The following SLC11A2 variants were observed in gnomAD, a reference collection of about 807,000 sequenced individuals.
SLC11A2 encodes the protein natural resistance-associated macrophage protein 2.
In SLC11A2, 38 loss-of-function variants were observed where a neutral mutation model predicts 68.0. The observed-to-expected ratio is 0.56, with a 90% CI of 0.43 to 0.73. The LOEUF is 0.73. Among genes scored for constraint, SLC11A2 ranks in the 30% least tolerant of loss-of-function variants. SLC11A2 has a pLI of 0.00. For missense variants in SLC11A2, 517 were observed against 690.5 expected (o/e 0.75, Z 2.82); for synonymous variants, 242 against 250.6 (o/e 0.97, Z 0.32).
At chr12:51,018,403 A>C (rs1046622266) in intron 1 of SLC11A2, among the ~76,000 whole-genome samples, 6 of 151,524 alleles carry the variant, frequency 4.0e-5, no homozygotes, top group Non-Finnish European at 8.8e-5. Flanking sequence ...CAAAAAAAAA[A>C]CAAAAAACAC....
At chr12:50,965,391 G>A in the SLC11A2 span, among the ~76,000 whole-genome samples, 1 of 151,352 alleles carries the variant, frequency 6.6e-6, no homozygotes, top group Non-Finnish European at 1.5e-5. Context: ...CCAAAGTGCT[G>A]GGATTACAGT....
intron 2 of SLC11A2, among the ~76,000 whole-genome samples, chr12:51,010,133 G>A (rs947028268): frequency 8.6e-5 from 13 of 151,626 alleles, no homozygotes; most frequent in South Asian, 2.1e-4. Flanking sequence ...GCAGTGAGCC[G>A]ACACAGTGCC....
In SLC11A2 at chr12:50,987,398, G is replaced by A; in HGVS notation, c.*927C>T. Reference sequence around the variant, plus strand: ...CGATTCTGCTGAGAGGTGGCTTTAGGAACAAAATAGATGGCTCTCCTCCCT... The same window carrying A: ...CGATTCTGCTGAGAGGTGGCTTTAGAAACAAAATAGATGGCTCTCCTCCCT... On this transcript the variant is annotated 3_prime_UTR_variant, in exon 16 of 16. Transcript: ENST00000262052. 1 of 1,287,122 alleles carries A rather than the reference G, an allele frequency of 7.8e-7. No homozygotes were observed. The highest frequency in any genetic ancestry group is 1.0e-6 in the Non-Finnish European group (1 of 988,678). The allele number at this position is 1,287,122 out of a possible 1,614,324, so 79.7% of individuals were successfully genotyped here.
intron 4 of SLC11A2, 56 bp downstream of exon 4, chr12:51,005,255 A>T (rs1278608716): frequency 7.6e-6 from 12 of 1,587,696 alleles, no homozygotes; most frequent in African/African-American, 1.3e-5. Context: ...GGTGGAGAAA[A>T]GGATGTGAGA....
intron 15 of SLC11A2, among the ~76,000 whole-genome samples, chr12:50,988,764 G>A (rs918378859): frequency 2.0e-5 from 3 of 152,032 alleles, no homozygotes; most frequent in African/African-American, 7.2e-5. Flanking sequence ...TCAGGCTGGA[G>A]TATAGTGGTG....
At chr12:50,994,677 G>A (rs537252225) in intron 10 of SLC11A2, 47 bp from the exon 11 acceptor site, 5 of 1,055,346 alleles carry the variant, frequency 4.7e-6, no homozygotes, top group Admixed American at 3.4e-5. Flanking sequence ...CAGAAGCAAG[G>A]ACCAAATAAG....
upstream of SLC11A2, among the ~76,000 whole-genome samples, chr12:51,028,819 GTCAA>G (rs1944474115): frequency 6.6e-6 from 1 of 152,154 alleles, no homozygotes; most frequent in African/African-American, 2.4e-5. Context: ...CTTCAGCCTG[GTCAA>G]TCAGTGATCC....
At chr12:50,989,989 T>C (rs957245570) in intron 15 of SLC11A2, among the ~76,000 whole-genome samples, 1 of 152,202 alleles carries the variant, frequency 6.6e-6, no homozygotes, top group African/African-American at 2.4e-5. Context: ...TTCATTAATA[T>C]AAGCAATGCT....
intron 6 of SLC11A2, 98 bp from the exon 7 acceptor site, chr12:50,999,513 G>A (rs1942022146): frequency 1.0e-6 from 1 of 989,896 alleles, no homozygotes; most frequent in Admixed American, 1.8e-5. Flanking sequence ...AAGAACACTT[G>A]GAGAAGCTAG....
At chr12:50,971,426 CT>C in the SLC11A2 span, among the ~76,000 whole-genome samples, 96 of 152,114 alleles carry the variant, frequency 6.3e-4, no homozygotes, top group Non-Finnish European at 1.3e-4. Context: ...CATTTTTAGA[CT>C]TTAAAGTAGT....
chr12:50,960,185 C>A, the SLC11A2 span, among the ~76,000 whole-genome samples: 3 of 152,166 alleles, frequency 2.0e-5, no homozygotes, highest in African/African-American at 7.2e-5. Context: ...AGTTATGCTT[C>A]TTGTGCATAT....
chr12:51,010,246 G>C (rs1016325545), intron 2 of SLC11A2, among the ~76,000 whole-genome samples: 3 of 150,360 alleles, frequency 2.0e-5, no homozygotes, highest in Non-Finnish European at 4.4e-5. Context: ...GGATGGGCGC[G>C]GTAGCTCATG....
At chr12:51,027,710 A>G (rs140871658), upstream of SLC11A2, among the ~76,000 whole-genome samples, 7 of 152,312 alleles carry the variant, frequency 4.6e-5, no homozygotes, top group African/African-American at 1.2e-4. Flanking sequence ...CACCAAAAAC[A>G]TTAGATCCTC....
chr12:50,988,953 ATCC>A (rs1940872051), intron 15 of SLC11A2, among the ~76,000 whole-genome samples: 1 of 151,796 alleles, frequency 6.6e-6, no homozygotes, highest in Non-Finnish European at 1.5e-5. Context: ...ACCTCAAGCA[ATCC>A]TCCTGGCTCG....
chr12:51,021,211 C>T (rs1944021167), intron 1 of SLC11A2, among the ~76,000 whole-genome samples: 1 of 152,270 alleles, frequency 6.6e-6, no homozygotes, highest in Middle Eastern at 3.4e-3. Context: ...TAAGCATCAT[C>T]CCAGGATTTT....
chr12:51,026,595 G>A (rs1200751248), upstream of SLC11A2, among the ~76,000 whole-genome samples: 1 of 151,880 alleles, frequency 6.6e-6, no homozygotes. Context: ...TGCTGCTTGC[G>A]TTGGCCAGAC....
chr12:50,987,152 A>G lies in SLC11A2; in HGVS notation c.*1173T>C. 6 of 1,283,298 alleles carry G rather than the reference A, an allele frequency of 4.7e-6. No homozygotes were observed. Among genetic ancestry groups the G allele is most frequent in the Non-Finnish European group, 6.1e-6 (6 of 986,418 alleles). 79.5% of individuals were successfully genotyped at this position (1,283,298 alleles called of 1,614,324 possible). On this transcript the variant is annotated 3_prime_UTR_variant, in exon 16 of 16. Transcript: ENST00000262052. ...TTTCCTCTGACTCCAGAGCTCCACC[A>G]TCTGGTCTCAAGATTTTTCCCTCTG...
chr12:51,013,901 A>T (rs1943425766), intron 1 of SLC11A2, among the ~76,000 whole-genome samples: 1 of 151,892 alleles, frequency 6.6e-6, no homozygotes, highest in Non-Finnish European at 1.5e-5. Flanking sequence ...GGCTCACTGC[A>T]ACCTCCGCCT....
At chr12:50,993,064 G>T in intron 11 of SLC11A2, 135 bp from the exon 12 acceptor site, 1 of 1,008,454 alleles carries the variant, frequency 9.9e-7, no homozygotes, top group Non-Finnish European at 1.5e-6. Context: ...TGCGCACTGT[G>T]CCAGAAGCTA....
Sources: gnomAD v4.1 joint callset for allele counts (sites outside exome capture counted in the v4.1 genomes callset) on GRCh38, gnomAD v4.1.1 for gene constraint, MANE v1.5 for transcripts, NCBI Gene and HGNC (gene_info 2026-07-23, HGNC 2026-07-21) for gene names.